Variants in KMT2E observed in about 807,000 individuals in gnomAD.
The protein encoded by KMT2E is histone reader KMT2E.
KMT2E carries 30 observed loss-of-function variants against 184.6 expected under a neutral mutation model. The ratio of observed to expected loss-of-function variants is 0.16; its 90% CI spans 0.12 to 0.22. KMT2E has a LOEUF of 0.22. Among genes scored for constraint, KMT2E ranks in the 10% least tolerant of loss-of-function variants. The pLI is 1.00. For synonymous variants in KMT2E, 815 were observed against 776.5 expected (o/e 1.05, Z -0.82); for missense variants, 2,023 against 2,237.4 (o/e 0.90, Z 1.93).
chr7:105,066,899 T>G (rs1797048119), intron 6 of KMT2E, 92 bp downstream of exon 6: 8 of 960,130 alleles, frequency 8.3e-6, no homozygotes, highest in Non-Finnish European at 1.3e-5. Context: ...GTTAAAAAAT[T>G]AATGAATCAC....
intron 26 of KMT2E, 133 bp downstream of exon 26, chr7:105,111,001 GA>G: frequency 1.5e-6 from 1 of 646,638 alleles, no homozygotes; most frequent in Middle Eastern, 2.5e-4. Context: ...TTTCCTGTCA[GA>G]AATACTCAAT....
At chr7:105,044,123 C>T (rs1281200343) in intron 3 of KMT2E, among the ~76,000 whole-genome samples, 6 of 152,102 alleles carry the variant, frequency 3.9e-5, no homozygotes, top group African/African-American at 1.4e-4. Flanking sequence ...AATAATTCTA[C>T]TTCTGATGAC....
rs1294763393 is a variant in KMT2E, at chr7:105,114,000, CTTTTT to C, written c.*669_*673del. ...TAGTACAGTATATGACCTTTAATTT[CTTTTT>C]TATTTTAAATATACTGTCACACTGA... is the stretch of plus-strand genomic sequence containing the variant. On this transcript the variant is annotated 3_prime_UTR_variant, in exon 27 of 27. Coordinates refer to ENST00000311117, the MANE Select transcript of KMT2E (RefSeq NM_182931.3). 1 of 152,594 alleles carries C rather than the reference CTTTTT, an allele frequency of 6.6e-6. No homozygotes were observed. The highest frequency in any genetic ancestry group is 1.5e-5 in the Non-Finnish European group (1 of 68,080). 9.5% of individuals were successfully genotyped at this position (152,594 alleles called of 1,614,324 possible).
chr7:105,030,738 C>A (rs1236766341), intron 1 of KMT2E, among the ~76,000 whole-genome samples: 3 of 152,184 alleles, frequency 2.0e-5, no homozygotes, highest in African/African-American at 7.2e-5. Context: ...TCATTTTCTA[C>A]TCCTATCCCC....
chr7:105,080,248 T>C (rs776113550), intron 12 of KMT2E, among the ~76,000 whole-genome samples: 69 of 152,234 alleles, frequency 4.5e-4, no homozygotes, highest in Non-Finnish European at 7.2e-4. Context: ...AAGTAGATTT[T>C]GTATGTTCTA....
intron 1 of KMT2E, among the ~76,000 whole-genome samples, chr7:105,024,567 G>A (rs1032511642): frequency 1.3e-5 from 2 of 152,124 alleles, no homozygotes; most frequent in South Asian, 4.1e-4. Flanking sequence ...AACATTCTCA[G>A]ACCAATCAAG....
At chr7:105,083,245 CT>C (rs1797827729) in intron 13 of KMT2E, among the ~76,000 whole-genome samples, 1 of 152,190 alleles carries the variant, frequency 6.6e-6, no homozygotes, top group African/African-American at 2.4e-5. Context: ...ATGATCTTCT[CT>C]TTCAGGGTTC....
At chr7:105,086,464 G>T (rs1352079633) in intron 13 of KMT2E, among the ~76,000 whole-genome samples, 1 of 152,030 alleles carries the variant, frequency 6.6e-6, no homozygotes, top group Admixed American at 6.6e-5. Context: ...ATGACTCACG[G>T]CTGTAATCCC....
chr7:105,094,681 A>C (rs60436179), intron 15 of KMT2E, among the ~76,000 whole-genome samples: 1,666 of 152,300 alleles, frequency 0.011, 24 homozygotes, highest in African/African-American at 0.038. Context: ...CACCAAATTT[A>C]AATGTACAGT....
intron 3 of KMT2E, among the ~76,000 whole-genome samples, chr7:105,060,549 C>T (rs1796773744): frequency 6.6e-6 from 1 of 151,960 alleles, no homozygotes; most frequent in African/African-American, 2.4e-5. Context: ...ACCTCAACCT[C>T]CCAAGTAGCT....
chr7:105,057,275 A>G (rs1796605746), intron 3 of KMT2E, among the ~76,000 whole-genome samples: 1 of 152,208 alleles, frequency 6.6e-6, no homozygotes, highest in Non-Finnish European at 1.5e-5. Flanking sequence ...TTCTAAATGT[A>G]AGATAAAAAT....
At position 105,066,570 on chromosome 7, in the gene KMT2E, G is replaced by T. The variant is rs777926697; in HGVS notation, c.417-157G>T. The stretch of plus-strand genomic sequence containing the variant: ...TGCTTTTGCATCTCAAAATTTTATC[G>T]CCTTGAAGACACGTTTCTATGAATT... On this transcript the variant is annotated intron_variant, in intron 5 of 26. Coordinates refer to ENST00000311117, the MANE Select transcript of KMT2E (RefSeq NM_182931.3). 2.0e-5 allele frequency among the ~76,000 whole-genome samples: 3 copies of T among 151,580 alleles called. 1 individual carries two copies. The highest frequency in any genetic ancestry group is 4.2e-4 in the South Asian group (2 of 4,794).
intron 17 of KMT2E, chr7:105,102,637 C>G (rs1286512427): frequency 6.5e-6 from 1 of 153,722 alleles, no homozygotes; most frequent in Non-Finnish European, 1.4e-5. Flanking sequence ...TAATAAAAAT[C>G]TCTGAAACAC....
rs1228466510 is a variant in KMT2E at position 105,109,099 on chromosome 7, T to G, written c.3626T>G (p.Val1209Gly). The G allele has an allele frequency of 6.2e-7, 1 of 1,614,054 alleles. No individual in the cohort carries two copies. Reference sequence around the variant, plus strand: ...AGCAGTAATGACAATGGGGAGCAGGTGGACCACACTGCTAGCCTACCTTTA... The same window carrying G: ...AGCAGTAATGACAATGGGGAGCAGGGGGACCACACTGCTAGCCTACCTTTA... ...CASSNDNGEQ[V>G]DHTASLPLPT... Residue 1209 changes from valine to glycine, a missense_variant, in exon 23 of 27, where the codon GTG becomes GGG. Physicochemically the swap from Val to Gly is moderately radical, Grantham distance 109. Coordinates refer to ENST00000311117, the MANE Select transcript of KMT2E (RefSeq NM_182931.3).
intron 13 of KMT2E, among the ~76,000 whole-genome samples, chr7:105,082,049 GC>G (rs1010677331): frequency 1.3e-5 from 2 of 152,024 alleles, no homozygotes; most frequent in Admixed American, 6.5e-5. Flanking sequence ...CCCTAATTCA[GC>G]CATACAACAC....
At chr7:105,031,097 C>T (rs1223420887) in intron 1 of KMT2E, among the ~76,000 whole-genome samples, 2 of 152,104 alleles carry the variant, frequency 1.3e-5, no homozygotes, top group Non-Finnish European at 2.9e-5. Flanking sequence ...TGGCTCATGC[C>T]TGTAATCCTA....
chr7:105,076,004 T>G, intron 8 of KMT2E, 39 bp from the exon 9 acceptor site: 1 of 1,505,034 alleles, frequency 6.6e-7, no homozygotes, highest in East Asian at 2.3e-5. Flanking sequence ...TTATGTCCAG[T>G]TTTTTAGGAA....
At chr7:105,061,499 A>G (rs560393708) in intron 3 of KMT2E, among the ~76,000 whole-genome samples, 1 of 152,292 alleles carries the variant, frequency 6.6e-6, no homozygotes, top group East Asian at 1.9e-4. Flanking sequence ...TGGTAAGAGT[A>G]AAGAAGTTGG....
intron 3 of KMT2E, among the ~76,000 whole-genome samples, chr7:105,050,500 A>G (rs895511557): frequency 1.3e-5 from 2 of 152,094 alleles, no homozygotes; most frequent in Non-Finnish European, 2.9e-5. Flanking sequence ...TCCAGTCATA[A>G]TCTTCCTAAG....
Sources: allele counts gnomAD v4.1 joint callset (sites outside exome capture counted in the v4.1 genomes callset), GRCh38; gene constraint gnomAD v4.1.1; transcripts MANE v1.5; gene names NCBI Gene and HGNC (gene_info 2026-07-23, HGNC 2026-07-21).